The following PHF19 variants were observed in gnomAD, a reference collection of about 807,000 sequenced individuals.
PHF19 encodes the protein PHD finger protein 19.
A neutral mutation model predicts 79.8 loss-of-function variants in PHF19; 21 were observed. That is an observed-to-expected ratio of 0.26 (90% CI 0.19 to 0.38). PHF19 has a LOEUF of 0.38. PHF19 is among the 10% of genes least tolerant of loss of function. PHF19 has a pLI of 1.00. For synonymous variants in PHF19, 273 were observed against 296.3 expected, an observed-to-expected ratio of 0.92 and a Z score of 0.81; for missense variants, 445 against 744.2, an observed-to-expected ratio of 0.60 and a Z score of 4.68.
At chr9:120,885,971 G>A (rs1166720519) in intron 1 of PHF19, among the ~76,000 whole-genome samples, 3 of 152,156 alleles carry the variant, frequency 2.0e-5, no homozygotes, top group Non-Finnish European at 4.4e-5. Context: ...CTCTCAGAAG[G>A]AACTCTCACG....
At chr9:120,899,224 C>T (rs898691209), upstream of PHF19, among the ~76,000 whole-genome samples, 7 of 141,724 alleles carry the variant, frequency 4.9e-5, no homozygotes, top group African/African-American at 1.1e-4. Flanking sequence ...AAAGGCCAGG[C>T]GCAGTGGCTC....
intron 1 of PHF19, among the ~76,000 whole-genome samples, chr9:120,883,527 G>C (rs372137330): frequency 6.6e-6 from 1 of 152,320 alleles, no homozygotes; most frequent in South Asian, 2.1e-4. Flanking sequence ...GGGAGGCTGA[G>C]GTGGGTGAAT....
rs756031112 is a variant in PHF19 at position 120,858,244 on chromosome 9, T to A, written c.1443A>T (p.Ala481=). The A allele has an allele frequency of 1.3e-6, 2 of 1,548,938 alleles. No homozygotes were observed. The highest frequency in any genetic ancestry group is 8.8e-7 in the Non-Finnish European group (1 of 1,142,808). ...GSRKRKLAAK[A]YMPLRAKRWA... ...ACCGCTTTGCCCGCAGGGGCATGTA[T>A]GCCTTGGCTGCCAGCTTCCTCTTTC... Residue 481 remains alanine (A), a synonymous_variant, in exon 15 of 15, where the codon GCA becomes GCT. Coordinates refer to ENST00000373896, the MANE Select transcript of PHF19 (RefSeq NM_015651.3).
In PHF19 at chr9:120,869,420, A is replaced by G; in HGVS notation, c.466-90T>C. 6.9e-7 allele frequency: 1 copy of G among 1,448,874 alleles called. No individual in the cohort carries two copies. 89.8% of individuals were successfully genotyped at this position (1,448,874 alleles called of 1,614,324 possible). A position where few individuals can be genotyped will look rare whatever the true frequency, so the allele number is the denominator to read the frequency against. On this transcript the variant is annotated intron_variant, in intron 5 of 14. Coordinates refer to ENST00000373896, the MANE Select transcript of PHF19 (RefSeq NM_015651.3). This position sits in a 1 kb window ranked among gnomAD's most constrained non-coding sequence, Gnocchi z 5.8. ...GCTGTCTATTGAGGGAAGTGCTGCC[A>G]GGGCTTGGGGGACCCGCAGATATTC...
In PHF19 at chr9:120,872,103, C is replaced by T. The variant is rs2045921222; in HGVS notation, c.269-1565G>A. Among the ~76,000 whole-genome samples the T allele has an allele frequency of 2.1e-5, 3 of 145,068 alleles. No individual in the cohort carries two copies. In the Admixed American group the frequency reaches 2.1e-4, roughly 10 times the overall value. ...CCTCTTCATCTCTGTATCCCCAGGACCTCATAGAGTGTGGCATGTAACAGG... is the reference window on the plus strand; with the variant it reads ...CCTCTTCATCTCTGTATCCCCAGGATCTCATAGAGTGTGGCATGTAACAGG... On this transcript the variant is annotated intron_variant, in intron 3 of 14. Transcript: ENST00000373896.
chr9:120,894,723 C>G, intron 1 of PHF19: 2 of 850,530 alleles, frequency 2.4e-6, no homozygotes, highest in Non-Finnish European at 3.1e-6. Flanking sequence ...CGGGCCCACC[C>G]GGCCGCCCGC....
intron 14 of PHF19, among the ~76,000 whole-genome samples, chr9:120,859,221 T>C (rs940154066): frequency 3.4e-5 from 5 of 146,296 alleles, no homozygotes; most frequent in African/African-American, 7.4e-5. Flanking sequence ...ACAGGCATTA[T>C]ACCATTGTCC....
At chr9:120,887,204 C>T (rs559653584) in intron 1 of PHF19, among the ~76,000 whole-genome samples, 4 of 152,060 alleles carry the variant, frequency 2.6e-5, no homozygotes, top group Admixed American at 2.6e-4. Flanking sequence ...TCTATAATCC[C>T]AGCTCTTTGG....
In PHF19 at chr9:120,874,510, G is replaced by T; in HGVS notation, c.186+46C>A. On this transcript the variant is annotated intron_variant, in intron 2 of 14. Transcript: ENST00000373896. This position sits in a 1 kb window ranked among gnomAD's most constrained non-coding sequence, Gnocchi z 4.5. Reference sequence around the variant, plus strand: ...TGACAGCCAGGCTGGAACATGAGCAGAGAGATTCTGAGTCTGAGAACAGGG... The same window carrying T: ...TGACAGCCAGGCTGGAACATGAGCATAGAGATTCTGAGTCTGAGAACAGGG... The T allele has an allele frequency of 7.9e-7, 1 of 1,271,520 alleles. No homozygotes were observed. The highest frequency in any genetic ancestry group is 1.1e-6 in the Non-Finnish European group (1 of 877,902). The allele number at this position is 1,271,520 out of a possible 1,614,324, so 78.8% of individuals were successfully genotyped here.
At chr9:120,893,661 G>A (rs1003452805) in intron 1 of PHF19, among the ~76,000 whole-genome samples, 6 of 152,186 alleles carry the variant, frequency 3.9e-5, no homozygotes, top group Admixed American at 1.3e-4. Flanking sequence ...GAAAGCACAC[G>A]TCATGCAGTG....
In PHF19 at chr9:120,858,002, A is replaced by G; in HGVS notation, c.1685T>C (p.Val562Ala). The change falls in exon 15 of 15, where the codon GTC becomes GCC. Residue 562 changes from valine (V) to alanine (A), a missense_variant. Transcript: ENST00000373896. ...GEKYQVLARR[V>A]TPEGKVQYLV... is the part of the protein sequence containing the mutation. Reference sequence around the variant, plus strand: ...GTACTGAACCTTGCCCTCAGGTGTGACCCTCCGAGCCAACACCTGGTACTT... The same window carrying G: ...GTACTGAACCTTGCCCTCAGGTGTGGCCCTCCGAGCCAACACCTGGTACTT... 3 of 1,613,828 alleles carry G rather than the reference A, an allele frequency of 1.9e-6. No homozygotes were observed. The highest frequency in any genetic ancestry group is 2.5e-6 in the Non-Finnish European group (3 of 1,179,836).
At chr9:120,885,633 A>G (rs2046252792) in intron 1 of PHF19, among the ~76,000 whole-genome samples, 1 of 151,362 alleles carries the variant, frequency 6.6e-6, no homozygotes, top group Admixed American at 6.6e-5. Context: ...CCTGCAGGAA[A>G]GACGCATTCA....
At chr9:120,885,000 ATT>A (rs1369907631) in intron 1 of PHF19, among the ~76,000 whole-genome samples, 5 of 152,164 alleles carry the variant, frequency 3.3e-5, no homozygotes, top group African/African-American at 9.7e-5. Flanking sequence ...TGGGAGAATC[ATT>A]TGAGGCCAGG....
intron 14 of PHF19, 117 bp downstream of exon 14, chr9:120,859,973 C>A: frequency 3.0e-6 from 2 of 668,818 alleles, no homozygotes; most frequent in Non-Finnish European, 5.5e-6. Context: ...CCAGGTACTC[C>A]CCGCCAGAGA....
chr9:120,877,451 G>A (rs1219614090), upstream of PHF19: 20 of 708,068 alleles, frequency 2.8e-5, no homozygotes, highest in Non-Finnish European at 3.1e-5. Flanking sequence ...GCCCCCGCCC[G>A]CCCCGCGGGC....
At chr9:120,868,830 G>A (rs556779607) in intron 6 of PHF19, 2 of 1,040,236 alleles carry the variant, frequency 1.9e-6, no homozygotes, top group African/African-American at 1.7e-5. Flanking sequence ...CTGCTTGGGC[G>A]GTCGCAACCC....
At chr9:120,902,932 C>T in the PHF19 span, 16 of 152,326 alleles carry the variant, frequency 1.1e-4, no homozygotes, top group African/African-American at 3.6e-4. Flanking sequence ...ATCTCATGCT[C>T]TTTGAAGAGA....
In PHF19 at chr9:120,870,043, C is replaced by A; in HGVS notation, c.365-98G>T. On this transcript the variant is annotated intron_variant, in intron 4 of 14. Transcript: ENST00000373896. The surrounding 1 kb of genome is among the most constrained non-coding windows in gnomAD (Gnocchi z 4.4). ...AGGGCTGGGAGGGCTGAGGGAAGTC[C>A]TAGGAGCTCTGCCTGCCAGCTGCCG... 6.7e-7 allele frequency: 1 copy of A among 1,486,614 alleles called. No individual in the cohort carries two copies. Among genetic ancestry groups the A allele is most frequent in the South Asian group, 1.3e-5 (1 of 76,938 alleles). The allele number at this position is 1,486,614 out of a possible 1,614,324, so 92.1% of individuals were successfully genotyped here. A position where few individuals can be genotyped will look rare whatever the true frequency, so the allele number is the denominator to read the frequency against.
chr9:120,866,054 C>T lies in PHF19; in HGVS notation c.753G>A (p.Glu251=), dbSNP rs1446995806. 5.0e-6 allele frequency: 8 copies of T among 1,613,982 alleles called. No individual in the cohort carries two copies. The highest frequency in any genetic ancestry group is 6.8e-6 in the Non-Finnish European group (8 of 1,179,932). Reference sequence around the variant, plus strand: ...ATCGCAGGGGCAGCCTCTCGATGTACTCTGGGCCCTGGTTACACACGGAGC... The same window carrying T: ...ATCGCAGGGGCAGCCTCTCGATGTATTCTGGGCCCTGGTTACACACGGAGC... The part of the protein sequence containing the change: ...FFCSVCNQGP[E]YIERLPLRWV... The change falls in exon 8 of 15, where the codon GAG becomes GAA. Residue 251 remains glutamate, a synonymous_variant. Coordinates refer to ENST00000373896, the MANE Select transcript of PHF19 (RefSeq NM_015651.3). This position sits in a 1 kb window ranked among gnomAD's most constrained non-coding sequence, Gnocchi z 5.2.
Sources: gnomAD v4.1 joint callset for allele counts (sites outside exome capture counted in the v4.1 genomes callset) on GRCh38, gnomAD v4.1.1 for gene constraint, Gnocchi (gnomAD v3.1) non-coding constraint, MANE v1.5 for transcripts, NCBI Gene and HGNC (gene_info 2026-07-23, HGNC 2026-07-21) for gene names.